The following GBE1 variants were observed in gnomAD, a reference collection of about 807,000 sequenced individuals.
The protein encoded by GBE1 is 1,4-alpha-glucan-branching enzyme.
A neutral mutation model predicts 88.8 loss-of-function variants in GBE1; 70 were observed. That is an observed-to-expected ratio of 0.79 (90% confidence interval 0.65 to 0.96). The LOEUF is 0.96. GBE1 is among the 40% of genes least tolerant of loss of function. The pLI, the probability that GBE1 is intolerant of heterozygous loss-of-function variation, is 0.00. For missense variants in GBE1, 872 were observed against 871.0 expected (o/e 1.00, Z -0.01); for synonymous variants, 284 against 300.1 (o/e 0.95, Z 0.56).
chr3:81,627,902 T>C (rs190981301), intron 7 of GBE1, among the ~76,000 whole-genome samples: 2 of 152,136 alleles, frequency 1.3e-5, no homozygotes, highest in African/African-American at 4.8e-5. Context: ...TCCTCCCACC[T>C]AAGCCTCCAA....
chr3:81,741,359 C>G (rs1706346703), intron 1 of GBE1, among the ~76,000 whole-genome samples: 1 of 152,096 alleles, frequency 6.6e-6, no homozygotes, highest in African/African-American at 2.4e-5. Flanking sequence ...GAGTGAATCA[C>G]AATGCAATAG....
At chr3:81,619,374 A>C (rs918831876) in intron 7 of GBE1, among the ~76,000 whole-genome samples, 11 of 152,178 alleles carry the variant, frequency 7.2e-5, no homozygotes, top group African/African-American at 2.7e-4. Context: ...GTCTTCTGCT[A>C]TATCTATCCA....
chr3:81,624,540 A>G (rs1055105346), intron 7 of GBE1, among the ~76,000 whole-genome samples: 1 of 152,142 alleles, frequency 6.6e-6, no homozygotes, highest in Non-Finnish European at 1.5e-5. Context: ...TTCTTGCCCT[A>G]TTGTCTATAA....
At chr3:81,504,193 G>T (rs1186147839) in intron 14 of GBE1, among the ~76,000 whole-genome samples, 2 of 152,080 alleles carry the variant, frequency 1.3e-5, no homozygotes, top group African/African-American at 4.8e-5. Context: ...ATCTTAAGGG[G>T]ACAAATATCC....
At chr3:81,550,829 T>C (rs1232962682) in intron 12 of GBE1, among the ~76,000 whole-genome samples, 3 of 152,206 alleles carry the variant, frequency 2.0e-5, no homozygotes, top group African/African-American at 7.2e-5. Context: ...GTTTAGCAAA[T>C]AATCAAGAAA....
At chr3:81,538,933 A>C (rs1382951794) in intron 12 of GBE1, among the ~76,000 whole-genome samples, 1 of 152,006 alleles carries the variant, frequency 6.6e-6, no homozygotes, top group Non-Finnish European at 1.5e-5. Flanking sequence ...CAATTCCTTT[A>C]GCCCTCTTCC....
chr3:81,515,290 A>G (rs1702782120), intron 14 of GBE1, among the ~76,000 whole-genome samples: 1 of 151,404 alleles, frequency 6.6e-6, no homozygotes, highest in South Asian at 2.1e-4. Context: ...TTATTAATAT[A>G]TATTAATATA....
At chr3:81,749,609 T>C (rs1440902176) in intron 1 of GBE1, among the ~76,000 whole-genome samples, 1 of 152,184 alleles carries the variant, frequency 6.6e-6, no homozygotes, top group Non-Finnish European at 1.5e-5. Flanking sequence ...CACAAATAAG[T>C]ATATGTAAAA....
intron 1 of GBE1, among the ~76,000 whole-genome samples, chr3:81,711,265 A>T (rs577059742): frequency 1.3e-5 from 2 of 152,198 alleles, no homozygotes. Flanking sequence ...GATTTTTAAG[A>T]TTTTATTTTG....
intron 2 of GBE1, among the ~76,000 whole-genome samples, chr3:81,691,924 G>A (rs1010954313): frequency 6.6e-6 from 1 of 152,142 alleles, no homozygotes; most frequent in African/African-American, 2.4e-5. Context: ...CTTAGAGGAA[G>A]GGATCTGTAA....
intron 14 of GBE1, among the ~76,000 whole-genome samples, chr3:81,509,292 GTC>G (rs1702692903): frequency 7.7e-6 from 1 of 130,596 alleles, no homozygotes; most frequent in African/African-American, 2.7e-5. Context: ...TTTAGGGTTT[GTC>G]TTTTTTTTTT....
intron 3 of GBE1, among the ~76,000 whole-genome samples, chr3:81,650,789 C>A (rs972462448): frequency 6.6e-6 from 1 of 152,124 alleles, no homozygotes; most frequent in Non-Finnish European, 1.5e-5. Flanking sequence ...TTCAGCCTTT[C>A]GAGGAGCTGG....
chr3:81,692,953 G>A (rs932800005), intron 2 of GBE1, among the ~76,000 whole-genome samples: 2 of 151,988 alleles, frequency 1.3e-5, no homozygotes, highest in Non-Finnish European at 2.9e-5. Context: ...CTCTCTCATG[G>A]GAATGAATGC....
At chr3:81,556,221 A>C (rs1371990538) in intron 12 of GBE1, among the ~76,000 whole-genome samples, 1 of 152,112 alleles carries the variant, frequency 6.6e-6, no homozygotes, top group Non-Finnish European at 1.5e-5. Context: ...AATATCTTAC[A>C]TATTTAATGT....
At chr3:81,556,465 A>C (rs2106903074) in intron 12 of GBE1, among the ~76,000 whole-genome samples, 1 of 152,238 alleles carries the variant, frequency 6.6e-6, no homozygotes, top group East Asian at 1.9e-4. Context: ...AACTTTACAA[A>C]GAATCATTAA....
intron 14 of GBE1, among the ~76,000 whole-genome samples, chr3:81,512,418 T>A (rs955428001): frequency 6.6e-6 from 1 of 151,412 alleles, no homozygotes; most frequent in Non-Finnish European, 1.5e-5. Context: ...CTGGAAAAAA[T>A]TTTTCCACTA....
Position 81,490,219 on chromosome 3 carries a change from A to T in GBE1, c.*188T>A, listed in dbSNP as rs1702418628. ...ATGGTCTAGGATTCCTAATATTTTA[A>T]ACATATTCTCCCATCTACTTAAATA... is the stretch of plus-strand genomic sequence containing the variant. On this transcript the variant is annotated 3_prime_UTR_variant, in exon 16 of 16. Transcript: ENST00000429644. 1 of 568,430 alleles carries T rather than the reference A, an allele frequency of 1.8e-6. No individual in the cohort carries two copies. The highest frequency in any genetic ancestry group is 3.1e-6 in the Non-Finnish European group (1 of 325,452). 35.2% of individuals were successfully genotyped at this position (568,430 alleles called of 1,614,324 possible). A position where few individuals can be genotyped will look rare whatever the true frequency, so the allele number is the denominator to read the frequency against.
chr3:81,551,148 C>T (rs902229155), intron 12 of GBE1, among the ~76,000 whole-genome samples: 20 of 152,146 alleles, frequency 1.3e-4, no homozygotes, highest in African/African-American at 4.6e-4. Context: ...TTAAAGTGGT[C>T]ATATGTTTAA....
chr3:81,524,073 A>T (rs980882836), intron 14 of GBE1, among the ~76,000 whole-genome samples: 2 of 151,820 alleles, frequency 1.3e-5, no homozygotes, highest in Admixed American at 1.3e-4. Context: ...AGTAATCTCC[A>T]TACTGTTCTC....
Sources: gnomAD v4.1 joint callset for allele counts (sites outside exome capture counted in the v4.1 genomes callset) on GRCh38, gnomAD v4.1.1 for gene constraint, MANE v1.5 for transcripts, NCBI Gene and HGNC (gene_info 2026-07-23, HGNC 2026-07-21) for gene names.